FARSA: variants seen among roughly 807,000 people sequenced by gnomAD.
FARSA encodes phenylalanine--tRNA ligase alpha subunit.
FARSA carries 37 observed loss-of-function variants against 63.2 expected under a neutral mutation model. The observed-to-expected ratio is 0.59, with a 90% confidence interval of 0.45 to 0.77. FARSA has a LOEUF of 0.77. Among genes scored for constraint, FARSA ranks in the 30% least tolerant of loss-of-function variants. The probability of loss-of-function intolerance (pLI) is 0.00; values close to 1 mark genes in which losing one functional copy is unlikely to be tolerated. For missense variants in FARSA, 618 were observed against 696.6 expected (o/e 0.89, Z 1.27); for synonymous variants, 312 against 285.1 (o/e 1.09, Z -0.95).
intron 7 of FARSA, among the ~76,000 whole-genome samples, chr19:12,928,023 CAAAAAAA>C (rs34586259): frequency 1.4e-4 from 10 of 73,404 alleles, no homozygotes; most frequent in African/African-American, 4.3e-4. Context: ...GACCCTGTCT[CAAAAAAA>C]AAAAAAAAAA....
At position 12,928,430 on chromosome 19, in the gene FARSA, G is replaced by T. The variant is rs1420743978; in HGVS notation, c.753C>A (p.Phe251Leu). The T allele has an allele frequency of 3.7e-6, 6 of 1,614,138 alleles. No homozygotes were observed. The highest frequency in any genetic ancestry group is 3.4e-6 in the Non-Finnish European group (4 of 1,180,018). The change falls in exon 7 of 13, where the codon TTC (phenylalanine) becomes TTA (leucine). Residue 251 changes from phenylalanine (F) to leucine (L), a missense_variant. Coordinates refer to ENST00000314606, the MANE Select transcript of FARSA (RefSeq NM_004461.3). ...CAAAGTTCCAGAAGGAGCTCTCAAT[G>T]AAGTTATCAGTCGGCATCTCGGTGA... ...MGFTEMPTDN[F>L]IESSFWNFDA...
At chr19:12,930,381 G>A in intron 3 of FARSA, 40 bp from the exon 4 acceptor site, 2 of 1,612,856 alleles carry the variant, frequency 1.2e-6, no homozygotes, top group East Asian at 2.2e-5. Flanking sequence ...AGGGCCAGGG[G>A]CCCATGTGCC....
chr19:12,928,371 C>A lies in FARSA; in HGVS notation c.812G>T (p.Arg271Leu), dbSNP rs375272364. ...AAGGAAGAAGGTGTCGTGCTGGTCA[C>A]GGGCTGGGTGCTGCTGGGGCTGGAA... is the stretch of plus-strand genomic sequence containing the variant. ...ALFQPQQHPARDQHDTFFLRD... is the reference protein window; with the variant it reads ...ALFQPQQHPALDQHDTFFLRD... Residue 271 changes from arginine (R) to leucine (L), a missense_variant, in exon 7 of 13, where the codon CGT becomes CTT. Arg to Leu is a moderately radical substitution (Grantham distance 102, BLOSUM62 -2). Transcript: ENST00000314606. 6.2e-7 allele frequency: 1 copy of A among 1,613,926 alleles called. No individual in the cohort carries two copies. Among genetic ancestry groups the A allele is most frequent in the Admixed American group, 1.7e-5 (1 of 59,968 alleles).
chr19:12,931,143 C>G (rs1971389949), intron 1 of FARSA, among the ~76,000 whole-genome samples: 1 of 152,194 alleles, frequency 6.6e-6, no homozygotes, highest in African/African-American at 2.4e-5. Context: ...TGTCACTAGG[C>G]TGGGTGCAGT....
chr19:12,924,531 A>G lies in FARSA; in HGVS notation c.1196-5T>C. On this transcript the variant is annotated splice_region_variant and splice_polypyrimidine_tract_variant and intron_variant, in intron 10 of 12. Coordinates refer to ENST00000314606, the MANE Select transcript of FARSA (RefSeq NM_004461.3). The surrounding 1 kb of genome is among the most constrained non-coding windows in gnomAD (Gnocchi z 6.4). ...TGAAGCGGAGTTGCGTGATACCTGC[A>G]GGAAGTGGGGGGCGGGCAGGAGAGC... 1 of 1,613,550 alleles carries G rather than the reference A, an allele frequency of 6.2e-7. No individual in the cohort carries two copies. The highest frequency in any genetic ancestry group is 2.2e-5 in the East Asian group (1 of 44,884).
At chr19:12,931,749 T>C (rs1036791253) in intron 1 of FARSA, among the ~76,000 whole-genome samples, 5 of 152,190 alleles carry the variant, frequency 3.3e-5, no homozygotes, top group Non-Finnish European at 7.3e-5. Flanking sequence ...AGACGGGCCC[T>C]GGAGGTCCAC....
At chr19:12,930,856 A>G in intron 1 of FARSA, 107 bp from the exon 2 acceptor site, 2 of 1,309,144 alleles carry the variant, frequency 1.5e-6, no homozygotes, top group Non-Finnish European at 2.2e-6. Flanking sequence ...CCTTAAAGCT[A>G]GGTTCACATC....
Position 12,930,634 on chromosome 19 carries a change from C to A in FARSA, c.263G>T (p.Gly88Val). 2.5e-6 allele frequency: 4 copies of A among 1,612,604 alleles called. No individual in the cohort carries two copies. The highest frequency in any genetic ancestry group is 3.4e-6 in the Non-Finnish European group (4 of 1,179,026). Reference protein sequence around the residue: ...ARVFRSIPPEGLAQSELMRLP... With the variant: ...ARVFRSIPPEVLAQSELMRLP... ...TACCATAAGCTCGCTCTGGGCCAGG[C>A]CCTCTGGGGGAATGCTTCGAAACAC... The change falls in exon 2 of 13, where the codon GGC becomes GTC. Residue 88 changes from glycine (G) to valine (V), a missense_variant. Transcript: ENST00000314606.
In FARSA at chr19:12,924,630, CCT is replaced by C. The variant is rs1316482593; in HGVS notation, c.1195+7_1195+8del. The C allele has an allele frequency of 6.2e-6, 10 of 1,607,342 alleles. No homozygotes were observed. The highest frequency in any genetic ancestry group is 8.5e-6 in the Non-Finnish European group (10 of 1,176,174). ...CACCACCATGGCCCACCCCTGCCCC[CCT>C]GCTCACCCAGCTTGGTGAAGAACTC... On this transcript the variant is annotated splice_region_variant and intron_variant, in intron 10 of 12. Coordinates refer to ENST00000314606, the MANE Select transcript of FARSA (RefSeq NM_004461.3). The surrounding 1 kb of genome is among the most constrained non-coding windows in gnomAD (Gnocchi z 6.4).
intron 7 of FARSA, among the ~76,000 whole-genome samples, chr19:12,928,023 C>CAAAAAAAAAAAAA (rs34586259): frequency 1.4e-5 from 1 of 73,384 alleles, no homozygotes; most frequent in African/African-American, 4.8e-5. Flanking sequence ...GACCCTGTCT[C>CAAAAAAAAAAAAA]AAAAAAAAAA....
In FARSA at chr19:12,924,964, G is replaced by A. The variant is rs933823166; in HGVS notation, c.966C>T (p.Asn322=). The change falls in exon 9 of 13, where the codon AAC becomes AAT. Residue 322 remains asparagine, a synonymous_variant. Coordinates refer to ENST00000314606, the MANE Select transcript of FARSA (RefSeq NM_004461.3). This position sits in a 1 kb window ranked among gnomAD's most constrained non-coding sequence, Gnocchi z 6.4. ...YNWKLDEARK[N]LLRTHTTSAS... ...CTGATGTGGTGTGGGTTCGCAGTAG[G>A]TTTTTCCGGGCCTCGTCCAGCTTCC... 6.2e-6 allele frequency: 10 copies of A among 1,614,096 alleles called. No homozygotes were observed. In the African/African-American group the frequency reaches 1.1e-4, roughly 17 times the overall value.
Position 12,932,518 on chromosome 19 carries a change from T to C in FARSA, c.147+1032A>G, listed in dbSNP as rs575484925. Reference sequence around the variant, plus strand: ...AGGACTATGGGCTCTGCAGCCTGAGTGCCTAATTTCAAATCTGGGCTCATC... The same window carrying C: ...AGGACTATGGGCTCTGCAGCCTGAGCGCCTAATTTCAAATCTGGGCTCATC... On this transcript the variant is annotated intron_variant, in intron 1 of 12. Coordinates refer to ENST00000314606, the MANE Select transcript of FARSA (RefSeq NM_004461.3). 2.0e-5 allele frequency among the ~76,000 whole-genome samples: 3 copies of C among 152,174 alleles called. No homozygotes were observed. In the East Asian group the frequency reaches 5.8e-4, roughly 29 times the overall value.
At position 12,924,942 on chromosome 19, in the gene FARSA, A is replaced by G; in HGVS notation, c.988T>C (p.Ser330Pro). Residue 330 changes from serine to proline, a missense_variant, in exon 9 of 13, where the codon TCA (serine) becomes CCA (proline). Coordinates refer to ENST00000314606, the MANE Select transcript of FARSA (RefSeq NM_004461.3). This position sits in a 1 kb window ranked among gnomAD's most constrained non-coding sequence, Gnocchi z 6.4. Reference protein sequence around the residue: ...RKNLLRTHTTSASARALYRLA... With the variant: ...RKNLLRTHTTPASARALYRLA... ...CGGTAGAGCGCACGGGCGCTGGCTG[A>G]TGTGGTGTGGGTTCGCAGTAGGTTT... 1 of 1,614,178 alleles carries G rather than the reference A, an allele frequency of 6.2e-7. No homozygotes were observed. Among genetic ancestry groups the G allele is most frequent in the Non-Finnish European group, 8.5e-7 (1 of 1,180,024 alleles).
intron 4 of FARSA, 60 bp from the exon 5 acceptor site, chr19:12,928,907 T>C: frequency 2.0e-6 from 3 of 1,468,944 alleles, no homozygotes; most frequent in Non-Finnish European, 2.9e-6. Context: ...ACTTCCTTGA[T>C]CTCCCGTCTG....
chr19:12,926,612 G>A (rs1219456557), intron 7 of FARSA, among the ~76,000 whole-genome samples: 1 of 151,946 alleles, frequency 6.6e-6, no homozygotes, highest in Non-Finnish European at 1.5e-5. Flanking sequence ...GGCCTGCAGT[G>A]CAGTGATGCA....
chr19:12,924,870 T>C lies in FARSA; in HGVS notation c.1026+34A>G, dbSNP rs747372521. ...AGAAGGTCCCTTTGACAGCACCCTCTCCCCACTGGGGCCCCCGCCTGGGCC... is the reference window on the plus strand; with the variant it reads ...AGAAGGTCCCTTTGACAGCACCCTCCCCCCACTGGGGCCCCCGCCTGGGCC... On this transcript the variant is annotated intron_variant, in intron 9 of 12. Transcript: ENST00000314606. This position sits in a 1 kb window ranked among gnomAD's most constrained non-coding sequence, Gnocchi z 6.4. 151 of 1,613,998 alleles carry C rather than the reference T, an allele frequency of 9.4e-5. No individual in the cohort carries two copies. The highest frequency in any genetic ancestry group is 1.7e-5 in the Non-Finnish European group (20 of 1,179,916).
At chr19:12,925,918 C>G (rs760865090) in intron 7 of FARSA, among the ~76,000 whole-genome samples, 37 of 151,990 alleles carry the variant, frequency 2.4e-4, no homozygotes, top group Non-Finnish European at 4.4e-4. Flanking sequence ...AGTGATCCGC[C>G]TGCCTGGGCC....
In FARSA at chr19:12,924,122, ACACCCCGAGTTTC is replaced by A. The variant is rs1471558010; in HGVS notation, c.1388+16_1388+28del. The A allele has an allele frequency of 1.9e-6, 3 of 1,568,340 alleles. No individual in the cohort carries two copies. In the South Asian group the frequency reaches 3.3e-5, roughly 17 times the overall value. On this transcript the variant is annotated intron_variant, in intron 12 of 12. Transcript: ENST00000314606. The surrounding 1 kb of genome is among the most constrained non-coding windows in gnomAD (Gnocchi z 6.4). ...CTGGAGAGTTATTTGAGGCAGCTGG[ACACCCCGAGTTTC>A]CACTTGGGCACTTACCGCTCCAGGG...
rs770334275 is a variant in FARSA at position 12,925,014 on chromosome 19, G to A, written c.927-11C>T. ...CAGTTATACTTGTACCTTCAGGAGG[G>A]AAGGTGGGAAGTCCATGCAATGGCC... is the stretch of plus-strand genomic sequence containing the variant. On this transcript the variant is annotated splice_polypyrimidine_tract_variant and intron_variant, in intron 8 of 12. Coordinates refer to ENST00000314606, the MANE Select transcript of FARSA (RefSeq NM_004461.3). 1.9e-6 allele frequency: 3 copies of A among 1,613,798 alleles called. No individual in the cohort carries two copies. In the South Asian group the frequency reaches 3.3e-5, roughly 18 times the overall value.
Sources: gnomAD v4.1 joint callset for allele counts (sites outside exome capture counted in the v4.1 genomes callset) on GRCh38, gnomAD v4.1.1 for gene constraint, Gnocchi (gnomAD v3.1) non-coding constraint, MANE v1.5 for transcripts, NCBI Gene and HGNC (gene_info 2026-07-23, HGNC 2026-07-21) for gene names.